ATG2B: variants seen among roughly 807,000 people sequenced by gnomAD.
The protein encoded by ATG2B is autophagy-related protein 2 homolog B.
ATG2B carries 121 observed loss-of-function variants against 241.3 expected under a neutral mutation model. That is an observed-to-expected ratio of 0.50 (90% CI 0.43 to 0.58). The LOEUF (loss-of-function observed/expected upper bound fraction) is 0.58, where lower values mean the gene tolerates loss of function less well. Among genes scored for constraint, ATG2B ranks in the 20% least tolerant of loss-of-function variants. ATG2B has a pLI of 0.00. For missense variants in ATG2B, 2,306 were observed against 2,491.6 expected (o/e 0.93, Z 1.59); for synonymous variants, 858 against 876.6 (o/e 0.98, Z 0.37).
chr14:96,337,908 A>T (rs781528242), intron 6 of ATG2B, among the ~76,000 whole-genome samples: 4 of 152,132 alleles, frequency 2.6e-5, no homozygotes, highest in Admixed American at 6.5e-5. Context: ...ATCCATGAGT[A>T]TGGGATGTGT....
intron 34 of ATG2B, among the ~76,000 whole-genome samples, chr14:96,300,001 A>C (rs1364126575): frequency 6.6e-6 from 1 of 152,196 alleles, no homozygotes; most frequent in African/African-American, 2.4e-5. Flanking sequence ...AACTGAAAAG[A>C]ATTTTTGTGT....
intron 10 of ATG2B, among the ~76,000 whole-genome samples, 182 bp from the exon 11 acceptor site, chr14:96,331,819 TTTGTACTAAAGTAC>T (rs1388195956): frequency 1.4e-4 from 21 of 152,226 alleles, no homozygotes; most frequent in Non-Finnish European, 1.0e-4. Flanking sequence ...ATCCAAGATT[TTTGTACTAAAGTAC>T]AAGAGTACGT....
intron 6 of ATG2B, among the ~76,000 whole-genome samples, chr14:96,339,113 A>G (rs1887940671): frequency 1.3e-5 from 2 of 152,158 alleles, no homozygotes; most frequent in Non-Finnish European, 2.9e-5. Context: ...CCATAATTAA[A>G]AAGTCAAAAA....
In ATG2B at chr14:96,290,711, T is replaced by C; in HGVS notation, c.5701+103A>G. On this transcript the variant is annotated intron_variant, in intron 39 of 41. Transcript: ENST00000359933. The surrounding 1 kb of genome is among the most constrained non-coding windows in gnomAD (Gnocchi z 4.4). ...AGTTTTGTGTATATGAGTACATATG[T>C]GAGTTTTCTAGACTAATGGTCCTCA... 1.3e-6 allele frequency: 2 copies of C among 1,542,320 alleles called. No homozygotes were observed. The highest frequency in any genetic ancestry group is 3.9e-5 in the Admixed American group (2 of 51,398).
intron 25 of ATG2B, 99 bp from the exon 26 acceptor site, chr14:96,312,258 G>T: frequency 1.3e-6 from 1 of 795,196 alleles, no homozygotes; most frequent in Non-Finnish European, 2.1e-6. Flanking sequence ...TTTCTGGTAT[G>T]AACATTGTTG....
intron 14 of ATG2B, among the ~76,000 whole-genome samples, chr14:96,328,107 G>A (rs182277340): frequency 2.0e-5 from 3 of 152,212 alleles, no homozygotes; most frequent in Admixed American, 6.5e-5. Flanking sequence ...GAGCCGCCAC[G>A]CCTGGCCATA....
chr14:96,324,064 G>T, intron 15 of ATG2B, 66 bp from the exon 16 acceptor site: 1 of 1,048,734 alleles, frequency 9.5e-7, no homozygotes, highest in Non-Finnish European at 1.4e-6. Flanking sequence ...AGATGGAGGA[G>T]CAAAGATCCT....
At chr14:96,338,906 G>C (rs1307271645) in intron 6 of ATG2B, among the ~76,000 whole-genome samples, 2 of 152,076 alleles carry the variant, frequency 1.3e-5, no homozygotes, top group East Asian at 1.9e-4. Context: ...CTAATATCCA[G>C]AATCTACAAG....
rs1005814886 is a variant in ATG2B at position 96,326,058 on chromosome 14, C to T, written c.2164-136G>A. The T allele has an allele frequency of 3.2e-5, 26 of 811,616 alleles. No individual in the cohort carries two copies. In the Admixed American group the frequency reaches 8.9e-4, roughly 28 times the overall value. The allele number at this position is 811,616 out of a possible 1,614,324, so 50.3% of individuals were successfully genotyped here. A position where few individuals can be genotyped will look rare whatever the true frequency, so the allele number is the denominator to read the frequency against. ...TGCATTAAAAGTCAATTCAAATTAA[C>T]CACTACCATATTAATTTAGTGTAAA... On this transcript the variant is annotated intron_variant, in intron 14 of 41. Transcript: ENST00000359933.
intron 33 of ATG2B, 96 bp downstream of exon 33, chr14:96,302,965 T>C: frequency 1.2e-6 from 1 of 862,038 alleles, no homozygotes; most frequent in South Asian, 3.4e-5. Context: ...AGAAAAGATA[T>C]CTAGTAATTT....
chr14:96,342,687 A>ACAC (rs1292717277), intron 5 of ATG2B, among the ~76,000 whole-genome samples: 6 of 149,990 alleles, frequency 4.0e-5, no homozygotes, highest in Non-Finnish European at 7.4e-5. Context: ...GCGCCACTGC[A>ACAC]CACCAGCCTG....
Position 96,303,230 on chromosome 14 carries a change from G to C in ATG2B, c.4868C>G (p.Pro1623Arg), listed in dbSNP as rs370728333. The C allele has an allele frequency of 6.3e-7, 1 of 1,594,822 alleles. No individual in the cohort carries two copies. The highest frequency in any genetic ancestry group is 8.6e-7 in the Non-Finnish European group (1 of 1,169,410). Residue 1623 changes from proline to arginine, a missense_variant, in exon 33 of 42, where the codon CCG (proline) becomes CGG (arginine). Pro to Arg is a moderately radical substitution (Grantham distance 103). Transcript: ENST00000359933. Reference sequence around the variant, plus strand: ...GGAATCACAATCAGGTTTGCATGGCGGGTAGACTTCATGCTGAAACTTCAC... The same window carrying C: ...GGAATCACAATCAGGTTTGCATGGCCGGTAGACTTCATGCTGAAACTTCAC... ...SKVKFQHEVY[P>R]PCKPDCDSSL...
At chr14:96,338,735 G>T (rs940965506) in intron 6 of ATG2B, among the ~76,000 whole-genome samples, 4 of 152,082 alleles carry the variant, frequency 2.6e-5, no homozygotes, top group African/African-American at 4.8e-5. Flanking sequence ...CTTAGGCAAA[G>T]AATTCATGAC....
chr14:96,326,745 G>A (rs888816937), intron 14 of ATG2B, among the ~76,000 whole-genome samples: 1 of 151,414 alleles, frequency 6.6e-6, no homozygotes, highest in Non-Finnish European at 1.5e-5. Flanking sequence ...TGTTTTTTTC[G>A]AAACAGGTCT....
In ATG2B at chr14:96,305,727, G is replaced by C; in HGVS notation, c.4595C>G (p.Thr1532Ser). ...GTGTAAGGGGGCTTTGCTCGTATCGGTCTTATTAACGGGCAGACTGAAATA... is the reference window on the plus strand; with the variant it reads ...GTGTAAGGGGGCTTTGCTCGTATCGCTCTTATTAACGGGCAGACTGAAATA... ...DNYFSLPVNK[T>S]DTSKAPLHFP... Residue 1532 changes from threonine (T) to serine (S), a missense_variant, in exon 31 of 42, where the codon ACC becomes AGC. Transcript: ENST00000359933. The C allele has an allele frequency of 1.2e-6, 2 of 1,614,172 alleles. No homozygotes were observed. Among genetic ancestry groups the C allele is most frequent in the Non-Finnish European group, 1.7e-6 (2 of 1,180,014 alleles).
chr14:96,322,906 C>T (rs1887496823), intron 16 of ATG2B, among the ~76,000 whole-genome samples, 171 bp from the exon 17 acceptor site: 1 of 152,158 alleles, frequency 6.6e-6, no homozygotes, highest in Admixed American at 6.5e-5. Flanking sequence ...ATGTTGTAAA[C>T]TTACAAGTGT....
chr14:96,336,687 G>T (rs1331642851), intron 6 of ATG2B, among the ~76,000 whole-genome samples: 1 of 152,174 alleles, frequency 6.6e-6, no homozygotes, highest in Non-Finnish European at 1.5e-5. Flanking sequence ...AACTATAAAA[G>T]TTATTGCTAT....
At chr14:96,349,817 TAGAGCTCAGG>T (rs1888265905) in intron 1 of ATG2B, among the ~76,000 whole-genome samples, 1 of 152,110 alleles carries the variant, frequency 6.6e-6, no homozygotes, top group African/African-American at 2.4e-5. Flanking sequence ...TTCCTCCAGC[TAGAGCTCAGG>T]AGAGCCATCT....
Position 96,312,157 on chromosome 14 carries a change from A to T in ATG2B, c.3845T>A (p.Ile1282Lys). ...ATGTAAAGCAGCTTCATCCAAGATT[A>T]TTCTGAGGCAAGAAAGATAAAACCA... Reference protein sequence around the residue: ...ALDKSSSTLRIILDEAALHLS... With the variant: ...ALDKSSSTLRKILDEAALHLS... The change falls in exon 26 of 42, where the codon ATA becomes AAA. Residue 1282 changes from isoleucine to lysine, a missense_variant and splice_region_variant. Coordinates refer to ENST00000359933, the MANE Select transcript of ATG2B (RefSeq NM_018036.7). 1 of 1,597,472 alleles carries T rather than the reference A, an allele frequency of 6.3e-7. No homozygotes were observed. Among genetic ancestry groups the T allele is most frequent in the Non-Finnish European group, 8.5e-7 (1 of 1,175,090 alleles).
Sources: gnomAD v4.1 joint callset for allele counts (sites outside exome capture counted in the v4.1 genomes callset) on GRCh38, gnomAD v4.1.1 for gene constraint, Gnocchi (gnomAD v3.1) non-coding constraint, MANE v1.5 for transcripts, NCBI Gene and HGNC (gene_info 2026-07-23, HGNC 2026-07-21) for gene names.